Variants in ADGRB3 observed in about 807,000 individuals in gnomAD.
ADGRB3 encodes adhesion G protein-coupled receptor B3.
ADGRB3 carries 37 observed loss-of-function variants against 193.4 expected under a neutral mutation model. That is an observed-to-expected ratio of 0.19 (90% CI 0.15 to 0.25). ADGRB3 has a LOEUF of 0.25. Ranked by LOEUF, ADGRB3 falls within the 10% of genes least tolerant of loss-of-function variation. The pLI is 1.00. For synonymous variants in ADGRB3, 690 were observed against 644.2 expected (o/e 1.07, Z -1.08); for missense variants, 1,637 against 1,852.9 (o/e 0.88, Z 2.14).
At chr6:68,758,012 C>A (rs913576322) in intron 3 of ADGRB3, among the ~76,000 whole-genome samples, 5 of 152,014 alleles carry the variant, frequency 3.3e-5, no homozygotes, top group Non-Finnish European at 7.4e-5. Flanking sequence ...TAATGGGAAG[C>A]ACCACAGTGA....
At chr6:69,082,765 C>T (rs565432382) in intron 17 of ADGRB3, among the ~76,000 whole-genome samples, 50 of 152,134 alleles carry the variant, frequency 3.3e-4, no homozygotes, top group Middle Eastern at 6.8e-3. Context: ...GGGTTTGTTT[C>T]TGCTCTCTTT....
chr6:69,014,146 C>T (rs772255555), intron 12 of ADGRB3, 40 bp downstream of exon 12: 2 of 1,421,340 alleles, frequency 1.4e-6, no homozygotes, highest in Admixed American at 2.1e-5. Context: ...GTTGGCAAAA[C>T]AAAGTGTAAA....
At chr6:68,867,330 G>C (rs992029187) in intron 3 of ADGRB3, among the ~76,000 whole-genome samples, 1 of 152,178 alleles carries the variant, frequency 6.6e-6, no homozygotes, top group African/African-American at 2.4e-5. Flanking sequence ...CCCATGCCTT[G>C]GTGGCTTCCA....
At chr6:68,661,862 G>C (rs948739224) in intron 3 of ADGRB3, among the ~76,000 whole-genome samples, 1 of 151,184 alleles carries the variant, frequency 6.6e-6, no homozygotes, top group African/African-American at 2.4e-5. Context: ...ATGGGACCAT[G>C]ATGAGGCTTC....
At chr6:69,108,749 T>C (rs543804935) in intron 17 of ADGRB3, among the ~76,000 whole-genome samples, 211 of 152,150 alleles carry the variant, frequency 1.4e-3, no homozygotes, top group African/African-American at 5.0e-3. Flanking sequence ...TTTGGAAAAA[T>C]GCTGGAAAAC....
chr6:69,111,526 G>A (rs1773366108), intron 17 of ADGRB3, among the ~76,000 whole-genome samples: 1 of 152,194 alleles, frequency 6.6e-6, no homozygotes, highest in Admixed American at 6.5e-5. Flanking sequence ...AAGCCTCATA[G>A]AGAAACAGAA....
chr6:68,656,696 T>A lies in ADGRB3; in HGVS notation c.757+17264T>A, dbSNP rs184865286. On this transcript the variant is annotated intron_variant, in intron 3 of 31. Coordinates refer to ENST00000370598, the MANE Select transcript of ADGRB3 (RefSeq NM_001704.3). Reference sequence around the variant, plus strand: ...GATATTCTGTTAGGAAAACATTTATTTCTTTGGTTTTTCTTTTTACTTTCT... The same window carrying A: ...GATATTCTGTTAGGAAAACATTTATATCTTTGGTTTTTCTTTTTACTTTCT... 3.3e-5 allele frequency among the ~76,000 whole-genome samples: 5 copies of A among 151,612 alleles called. No individual in the cohort carries two copies. The East Asian group carries it at 9.7e-4, about 30-fold the overall frequency.
intron 20 of ADGRB3, among the ~76,000 whole-genome samples, chr6:69,259,652 C>T (rs1421389027): frequency 2.1e-5 from 3 of 143,928 alleles, no homozygotes; most frequent in Non-Finnish European, 3.0e-5. Context: ...GCCGAGATGG[C>T]GCCACTGCAC....
intron 3 of ADGRB3, among the ~76,000 whole-genome samples, chr6:68,687,035 T>G (rs1014799436): frequency 2.6e-5 from 4 of 152,136 alleles, no homozygotes; most frequent in African/African-American, 9.6e-5. Context: ...TATTTTTATT[T>G]ACACACACAT....
intron 3 of ADGRB3, among the ~76,000 whole-genome samples, chr6:68,858,403 C>A (rs150152662): frequency 6.7e-6 from 1 of 150,354 alleles, no homozygotes; most frequent in South Asian, 2.1e-4. Flanking sequence ...ACTCGAGAGG[C>A]TAAGGCAGGA....
At chr6:69,021,659 A>G (rs1193079166) in intron 13 of ADGRB3, among the ~76,000 whole-genome samples, 1 of 151,920 alleles carries the variant, frequency 6.6e-6, no homozygotes, top group Non-Finnish European at 1.5e-5. Context: ...ACGATAATTT[A>G]TATTTAAAAG....
At chr6:68,699,367 A>G (rs1765205687) in intron 3 of ADGRB3, among the ~76,000 whole-genome samples, 2 of 152,122 alleles carry the variant, frequency 1.3e-5, no homozygotes, top group African/African-American at 2.4e-5. Flanking sequence ...CAGTATTTCA[A>G]AGATCTTTAT....
chr6:68,685,388 G>C (rs1764964454), intron 3 of ADGRB3, among the ~76,000 whole-genome samples: 1 of 151,866 alleles, frequency 6.6e-6, no homozygotes, highest in Non-Finnish European at 1.5e-5. Context: ...TTAAAAATAT[G>C]AGAGCCAAAA....
Position 69,049,339 on chromosome 6 carries a change from A to G in ADGRB3, c.2326A>G (p.Thr776Ala), listed in dbSNP as rs770359764. 3 of 1,603,306 alleles carry G rather than the reference A, an allele frequency of 1.9e-6. No homozygotes were observed. The highest frequency in any genetic ancestry group is 1.7e-6 in the Non-Finnish European group (2 of 1,172,466). ...LYKNLDLILP[T>A]LRNYTVINSK... ...CAAAAACTTAGATCTAATTTTGCCC[A>G]CTTTGAGGTAAGCTACAAAGTAATA... The change falls in exon 15 of 32, where the codon ACT becomes GCT. Residue 776 changes from threonine (T) to alanine (A), a missense_variant. Around this residue, in one of 7 missense-constraint regions of ADGRB3, gnomAD observed 641 missense variants for 673.9 expected, o/e 0.95. Coordinates refer to ENST00000370598, the MANE Select transcript of ADGRB3 (RefSeq NM_001704.3).
intron 22 of ADGRB3, among the ~76,000 whole-genome samples, chr6:69,329,470 A>G (rs1217635012): frequency 2.0e-5 from 3 of 152,178 alleles, no homozygotes; most frequent in Non-Finnish European, 4.4e-5. Context: ...TATAATTTAC[A>G]TAGAGTAGCA....
intron 17 of ADGRB3, among the ~76,000 whole-genome samples, chr6:69,172,990 C>A (rs1330977438): frequency 3.3e-5 from 5 of 152,124 alleles, no homozygotes; most frequent in African/African-American, 1.2e-4. Context: ...AGTCAGGGCC[C>A]TTTAGGCCAG....
At chr6:69,283,637 C>T (rs1334983484) in intron 20 of ADGRB3, among the ~76,000 whole-genome samples, 4 of 150,886 alleles carry the variant, frequency 2.7e-5, no homozygotes, top group Non-Finnish European at 3.0e-5. Flanking sequence ...CATTGGTTGG[C>T]TTATGGAAAA....
At chr6:68,866,077 G>A (rs928721643) in intron 3 of ADGRB3, among the ~76,000 whole-genome samples, 4 of 151,188 alleles carry the variant, frequency 2.6e-5, no homozygotes, top group Admixed American at 6.6e-5. Flanking sequence ...CACTTCAGAA[G>A]GTGGGTTACT....
chr6:69,053,042 C>T (rs145092106), intron 15 of ADGRB3, among the ~76,000 whole-genome samples: 336 of 152,122 alleles, frequency 2.2e-3, no homozygotes, highest in African/African-American at 7.6e-3. Context: ...AAAAATTAGC[C>T]GTGCATGGTG....
Sources: gnomAD v4.1 joint callset for allele counts (sites outside exome capture counted in the v4.1 genomes callset) on GRCh38, gnomAD v4.1.1 for gene constraint, gnomAD v4.1.1 regional missense constraint, MANE v1.5 for transcripts, NCBI Gene and HGNC (gene_info 2026-07-23, HGNC 2026-07-21) for gene names.